The following SLC6A18 variants were observed in gnomAD, a reference collection of about 807,000 sequenced individuals.
The protein encoded by SLC6A18 is solute carrier family 6 member 18, also known as inactive sodium-dependent neutral amino acid transporter B(0)AT3.
SLC6A18 carries 58 observed loss-of-function variants against 62.9 expected under a neutral mutation model. The observed-to-expected ratio is 0.92, with a 90% confidence interval of 0.75 to 1.15. The LOEUF is 1.15. SLC6A18 is among the 50% of genes most tolerant of loss of function. The pLI is 0.00. For synonymous variants in SLC6A18, 382 were observed against 365.8 expected (o/e 1.04, Z -0.51); for missense variants, 793 against 836.6 (o/e 0.95, Z 0.64).
intron 1 of SLC6A18, among the ~76,000 whole-genome samples, chr5:1,226,798 G>C (rs1746581070): frequency 6.6e-6 from 1 of 152,154 alleles, no homozygotes; most frequent in Non-Finnish European, 1.5e-5. Flanking sequence ...CTCGCTGCCT[G>C]TGCTGCGGCT....
At chr5:1,227,123 G>T (rs1363152940) in intron 1 of SLC6A18, among the ~76,000 whole-genome samples, 1 of 144,540 alleles carries the variant, frequency 6.9e-6, no homozygotes, top group Non-Finnish European at 1.5e-5. Flanking sequence ...CCGACGCCTT[G>T]CCCGTCGATG....
chr5:1,225,872 G>T (rs1275522876), intron 1 of SLC6A18, among the ~76,000 whole-genome samples: 2 of 152,208 alleles, frequency 1.3e-5, no homozygotes, highest in African/African-American at 4.8e-5. Flanking sequence ...AGTCCCCTCG[G>T]GGTCCACTAT....
rs748465166 is a variant in SLC6A18 at position 1,244,253 on chromosome 5, T to G, written c.1376T>G (p.Phe459Cys). 2.9e-5 allele frequency: 47 copies of G among 1,611,916 alleles called. No individual in the cohort carries two copies. The South Asian group carries it at 4.8e-4, about 17-fold the overall frequency. ...CLVCFLSATC[F>C]TLQSGNYWLE... Reference sequence around the variant, plus strand: ...GTCTGCTTCCTCTCCGCCACCTGCTTCACGCTGCAGTCTGGGAACTACTGG... The same window carrying G: ...GTCTGCTTCCTCTCCGCCACCTGCTGCACGCTGCAGTCTGGGAACTACTGG... The change falls in exon 10 of 12, where the codon TTC becomes TGC. Residue 459 changes from phenylalanine (F) to cysteine (C), a missense_variant. Transcript: ENST00000324642.
At chr5:1,245,105 C>G (rs1002806120) in intron 11 of SLC6A18, among the ~76,000 whole-genome samples, 1 of 152,202 alleles carries the variant, frequency 6.6e-6, no homozygotes, top group Non-Finnish European at 1.5e-5. Context: ...ATCCTCCCTG[C>G]CTGTGTCCTG....
At chr5:1,234,479 G>A (rs1265616736) in intron 3 of SLC6A18, among the ~76,000 whole-genome samples, 3 of 152,236 alleles carry the variant, frequency 2.0e-5, no homozygotes, top group African/African-American at 2.4e-5. Flanking sequence ...GAGTTCCTGG[G>A]TGATGGTTTG....
chr5:1,227,951 G>A (rs904282307), intron 1 of SLC6A18, among the ~76,000 whole-genome samples: 2 of 152,164 alleles, frequency 1.3e-5, no homozygotes, highest in African/African-American at 4.8e-5. Context: ...CACACGTGAG[G>A]TCACTCATCA....
Position 1,245,906 on chromosome 5 carries a change from T to A in SLC6A18, c.1715T>A (p.Val572Glu). The change falls in exon 12 of 12, where the codon GTG (valine) becomes GAG (glutamate). Residue 572 changes from valine to glutamate, a missense_variant. By Grantham distance (121) the Val-to-Glu change is moderately radical. Transcript: ENST00000324642. ...CCGGGCTGGGCGCGCGCCGCCTGTG[T>A]GCTGCTGTCCTTGCTGCCCGTGCTG... Reference protein sequence around the residue: ...LYPGWARAACVLLSLLPVLWV... With the variant: ...LYPGWARAACELLSLLPVLWV... 1 of 1,607,696 alleles carries A rather than the reference T, an allele frequency of 6.2e-7. No individual in the cohort carries two copies. The highest frequency in any genetic ancestry group is 8.5e-7 in the Non-Finnish European group (1 of 1,179,526).
chr5:1,232,939 A>G, intron 3 of SLC6A18, 51 bp downstream of exon 3: 1 of 1,565,802 alleles, frequency 6.4e-7, no homozygotes, highest in Non-Finnish European at 8.7e-7. Flanking sequence ...CGAGAGAGGC[A>G]TGTGCTGCAG....
chr5:1,227,946 G>A (rs1044126572), intron 1 of SLC6A18, among the ~76,000 whole-genome samples: 7 of 152,294 alleles, frequency 4.6e-5, no homozygotes, highest in Middle Eastern at 3.4e-3. Flanking sequence ...GTCCACACAC[G>A]TGAGGTCACT....
chr5:1,244,958 C>T (rs1461595074), intron 11 of SLC6A18, among the ~76,000 whole-genome samples, 191 bp downstream of exon 11: 1 of 151,820 alleles, frequency 6.6e-6, no homozygotes, highest in East Asian at 1.9e-4. Context: ...GTGCAGCGCC[C>T]GAGTGCCCGC....
intron 1 of SLC6A18, among the ~76,000 whole-genome samples, chr5:1,228,830 C>T (rs1048770065): frequency 6.6e-6 from 1 of 152,226 alleles, no homozygotes; most frequent in Non-Finnish European, 1.5e-5. Flanking sequence ...CATGACTGTG[C>T]CACTGTACTC....
At chr5:1,240,105 A>G (rs555061801) in intron 6 of SLC6A18, among the ~76,000 whole-genome samples, 1 of 152,198 alleles carries the variant, frequency 6.6e-6, no homozygotes, top group African/African-American at 2.4e-5. Context: ...TTAGGGAAGG[A>G]AGTGCCAGCT....
chr5:1,238,600 G>C (rs558820188), intron 5 of SLC6A18, among the ~76,000 whole-genome samples: 4 of 45,672 alleles, frequency 8.8e-5, no homozygotes, highest in East Asian at 7.6e-4. Flanking sequence ...GAGTGAGCCA[G>C]GGGCCTCAGG....
intron 10 of SLC6A18, 60 bp from the exon 11 acceptor site, chr5:1,244,548 G>A: frequency 6.4e-7 from 1 of 1,553,564 alleles, no homozygotes; most frequent in South Asian, 1.2e-5. Flanking sequence ...CCGATCCTCG[G>A]CTTGGAGTGG....
intron 2 of SLC6A18, 76 bp from the exon 3 acceptor site, chr5:1,232,675 T>A: frequency 6.6e-7 from 1 of 1,526,478 alleles, no homozygotes; most frequent in East Asian, 2.3e-5. Context: ...TGTTATTTTG[T>A]TTTATTCTCA....
chr5:1,233,203 C>T (rs200890292), intron 3 of SLC6A18, among the ~76,000 whole-genome samples: 167 of 152,318 alleles, frequency 1.1e-3, no homozygotes, highest in African/African-American at 3.0e-3. Flanking sequence ...TTAGGTCGGA[C>T]GCCGTGGCTC....
At position 1,225,608 on chromosome 5, in the gene SLC6A18, TC is replaced by T; in HGVS notation, c.134del (p.Pro45HisfsTer56). The T allele has an allele frequency of 1.9e-6, 3 of 1,603,460 alleles. No homozygotes were observed. The highest frequency in any genetic ancestry group is 2.6e-6 in the Non-Finnish European group (3 of 1,174,578). Reference sequence around the variant, plus strand: ...GTGGGACTGGGGAACATTTGGCGGTTCCCATACCTGTGCCAGACCTATGGAG... The same window carrying T: ...GTGGGACTGGGGAACATTTGGCGGTTCCATACCTGTGCCAGACCTATGGAG... ...FAVGLGNIWR[F>X]PYLCQTYGGG... On this transcript the variant is annotated frameshift_variant, in exon 1 of 12. Transcript: ENST00000324642. LOFTEE classifies it high-confidence loss of function.
At chr5:1,226,248 C>G (rs938488726) in intron 1 of SLC6A18, among the ~76,000 whole-genome samples, 1 of 152,200 alleles carries the variant, frequency 6.6e-6, no homozygotes, top group Non-Finnish European at 1.5e-5. Flanking sequence ...CTCCCACGCA[C>G]CTCGAGCCTC....
Position 1,232,908 on chromosome 5 carries a change from C to A in SLC6A18, c.439+20C>A. 1 of 1,600,674 alleles carries A rather than the reference C, an allele frequency of 6.2e-7. No individual in the cohort carries two copies. Among genetic ancestry groups the A allele is most frequent in the Non-Finnish European group, 8.5e-7 (1 of 1,172,400 alleles). ...GAACAGGTGAGCTGGGCGCCGCCTGCTGTGTGGGTCCGTGCACGGCCGAGA... is the reference window on the plus strand; with the variant it reads ...GAACAGGTGAGCTGGGCGCCGCCTGATGTGTGGGTCCGTGCACGGCCGAGA... On this transcript the variant is annotated intron_variant, in intron 3 of 11. Transcript: ENST00000324642.
Sources: gnomAD v4.1 joint callset for allele counts (sites outside exome capture counted in the v4.1 genomes callset) on GRCh38, gnomAD v4.1.1 for gene constraint, MANE v1.5 for transcripts, NCBI Gene and HGNC (gene_info 2026-07-23, HGNC 2026-07-21) for gene names.